The following TTC23L variants were observed in gnomAD, a reference collection of about 807,000 sequenced individuals.
The protein encoded by TTC23L is tetratricopeptide repeat protein 23-like.
In TTC23L, 42 loss-of-function variants were observed where a neutral mutation model predicts 48.1. The observed-to-expected ratio is 0.87, with a 90% CI of 0.68 to 1.13. The LOEUF (loss-of-function observed/expected upper bound fraction) is 1.13. TTC23L is among the 50% of genes most tolerant of loss of function. TTC23L has a pLI of 0.00. For missense variants in TTC23L, 391 were observed against 421.0 expected, an observed-to-expected ratio of 0.93 and a Z score of 0.62; for synonymous variants, 159 against 157.2, an observed-to-expected ratio of 1.01 and a Z score of -0.09.
the TTC23L span, among the ~76,000 whole-genome samples, chr5:34,905,053 C>G: frequency 6.6e-6 from 1 of 152,116 alleles, no homozygotes; most frequent in Non-Finnish European, 1.5e-5. Flanking sequence ...GATACAGATA[C>G]GAAAAGCACT....
rs147875153 is a variant in TTC23L at position 34,862,509 on chromosome 5, G to C, written c.380-389G>C. Among the ~76,000 whole-genome samples, 4 of 152,148 alleles carry C rather than the reference G, an allele frequency of 2.6e-5. No individual in the cohort carries two copies. In the East Asian group the frequency reaches 7.7e-4, roughly 29 times the overall value. On this transcript the variant is annotated intron_variant, in intron 4 of 10. Coordinates refer to ENST00000505624, the Ensembl canonical transcript of TTC23L. ...GTTGGAGGATGGAGAAGCGTTGTGG[G>C]TTGAAAAGGTCACATGGCATTAGTA... is the stretch of plus-strand genomic sequence containing the variant.
At chr5:34,918,786 G>A in the TTC23L span, 1 of 205,034 alleles carries the variant, frequency 4.9e-6, no homozygotes, top group Non-Finnish European at 9.5e-6. Context: ...TGTCCTAAGT[G>A]CTAAGGACTG....
At chr5:34,911,483 C>A in the TTC23L span, 1 of 1,532,650 alleles carries the variant, frequency 6.5e-7, no homozygotes, top group South Asian at 1.3e-5. Flanking sequence ...AATTTTGCAT[C>A]CTAAGCAAAT....
At chr5:34,923,365 C>T in the TTC23L span, 2 of 677,386 alleles carry the variant, frequency 3.0e-6, no homozygotes, top group South Asian at 1.8e-5. Context: ...CTGCAACCTC[C>T]ACCTCCCGGG....
At chr5:34,885,205 T>C (rs1762472772) in intron 9 of TTC23L, among the ~76,000 whole-genome samples, 1 of 152,188 alleles carries the variant, frequency 6.6e-6, no homozygotes, top group East Asian at 1.9e-4. Context: ...GTCAATGTTA[T>C]GAAAGACCAA....
At chr5:34,886,381 A>C (rs1348651930) in intron 9 of TTC23L, among the ~76,000 whole-genome samples, 2 of 151,438 alleles carry the variant, frequency 1.3e-5, no homozygotes, top group Non-Finnish European at 2.9e-5. Flanking sequence ...AAAAAAAAAA[A>C]AACGTTTTAT....
At chr5:34,901,042 T>C (rs1763496541), downstream of TTC23L, among the ~76,000 whole-genome samples, 1 of 152,240 alleles carries the variant, frequency 6.6e-6, no homozygotes, top group African/African-American at 2.4e-5. Flanking sequence ...CACCATGTAC[T>C]GTATATGTGT....
intron 5 of TTC23L, 102 bp from the exon 6 acceptor site, chr5:34,864,335 T>G: frequency 7.2e-7 from 1 of 1,395,096 alleles, no homozygotes. Flanking sequence ...ATTTTTAATA[T>G]TGCTTCACTT....
At chr5:34,888,155 G>A (rs1284808141) in intron 9 of TTC23L, among the ~76,000 whole-genome samples, 1 of 152,146 alleles carries the variant, frequency 6.6e-6, no homozygotes, top group East Asian at 1.9e-4. Flanking sequence ...TTTACAGAAA[G>A]AAGATGGCTG....
chr5:34,883,646 T>C (rs1288859262), intron 9 of TTC23L: 6 of 152,208 alleles, frequency 3.9e-5, no homozygotes, highest in African/African-American at 1.4e-4. Context: ...TATGAATAAT[T>C]ATATGTCAAC....
intron 7 of TTC23L, chr5:34,868,424 T>A (rs548901252): frequency 6.5e-6 from 1 of 153,922 alleles, no homozygotes; most frequent in Admixed American, 6.4e-5. Flanking sequence ...TAATATAAAA[T>A]CTAACACTTT....
intron 8 of TTC23L, among the ~76,000 whole-genome samples, chr5:34,877,469 G>A (rs757108962): frequency 1.9e-4 from 28 of 150,840 alleles, no homozygotes; most frequent in Non-Finnish European, 3.7e-4. Context: ...TGTTGCTCAG[G>A]CTGGAGTACA....
the TTC23L span, chr5:34,918,344 A>T: frequency 8.1e-7 from 1 of 1,239,532 alleles, no homozygotes; most frequent in Non-Finnish European, 1.2e-6. Flanking sequence ...AAAATCTTTT[A>T]ACATTTTCTT....
the TTC23L span, chr5:34,913,321 T>C: frequency 2.3e-6 from 1 of 431,270 alleles, no homozygotes; most frequent in Non-Finnish European, 4.2e-6. Context: ...GCAATTAACA[T>C]TGTGAAATGT....
intron 10 of TTC23L, among the ~76,000 whole-genome samples, chr5:34,897,493 A>G (rs1456960667): frequency 1.3e-5 from 2 of 152,048 alleles, no homozygotes; most frequent in Non-Finnish European, 2.9e-5. Context: ...TTATTTTTAT[A>G]TTTTAAATTT....
chr5:34,869,896 C>G (rs950990719), intron 8 of TTC23L: 2 of 152,096 alleles, frequency 1.3e-5, no homozygotes, highest in Admixed American at 6.5e-5. Flanking sequence ...CCATTGAAGA[C>G]TTCCTGATTC....
downstream of TTC23L, among the ~76,000 whole-genome samples, chr5:34,900,793 C>T (rs1344314410): frequency 2.0e-5 from 3 of 152,174 alleles, no homozygotes; most frequent in Non-Finnish European, 4.4e-5. Context: ...TTAAGAATCT[C>T]GAGAGAGTAC....
the TTC23L span, chr5:34,913,529 C>A: frequency 6.2e-7 from 1 of 1,604,552 alleles, no homozygotes; most frequent in Non-Finnish European, 8.5e-7. Flanking sequence ...TAAATTAATT[C>A]GAAAAGTAAC....
At chr5:34,917,346 A>G in the TTC23L span, among the ~76,000 whole-genome samples, 1 of 152,174 alleles carries the variant, frequency 6.6e-6, no homozygotes, top group Non-Finnish European at 1.5e-5. Context: ...GTATTACTTT[A>G]AAAATGGTCC....
Sources: allele counts gnomAD v4.1 joint callset (sites outside exome capture counted in the v4.1 genomes callset), GRCh38; gene constraint gnomAD v4.1.1; transcripts MANE v1.5; gene names NCBI Gene and HGNC (gene_info 2026-07-23, HGNC 2026-07-21).